DISP1: variants seen among roughly 807,000 people sequenced by gnomAD.
The protein encoded by DISP1 is dispatched RND transporter family member 1, also known as protein dispatched homolog 1.
In DISP1, 30 loss-of-function variants were observed where a neutral mutation model predicts 37.3. The ratio of observed to expected loss-of-function variants is 0.80; its 90% CI spans 0.60 to 1.09. The LOEUF is 1.09. Ranked by LOEUF, DISP1 falls within the 50% of genes least tolerant of loss-of-function variation. DISP1 has a pLI of 0.00. For missense variants in DISP1, 1,598 were observed against 1,879.5 expected, an observed-to-expected ratio of 0.85 and a Z score of 2.77; for synonymous variants, 634 against 690.2, an observed-to-expected ratio of 0.92 and a Z score of 1.28.
intron 1 of DISP1, among the ~76,000 whole-genome samples, chr1:222,832,671 G>T (rs946738285): frequency 6.6e-6 from 1 of 152,148 alleles, no homozygotes; most frequent in Non-Finnish European, 1.5e-5. Flanking sequence ...AAGGTGGGCG[G>T]ATCACCTGAG....
intron 8 of DISP1, among the ~76,000 whole-genome samples, chr1:222,997,050 C>A (rs1999988): frequency 0.31 from 46,479 of 148,120 alleles, 7,489 homozygotes; most frequent in South Asian, 0.36. Context: ...CTCTCTCTCT[C>A]TATATATATA....
At chr1:222,989,341 T>C in intron 4 of DISP1, 1 of 983,986 alleles carries the variant, frequency 1.0e-6, no homozygotes, top group Non-Finnish European at 1.2e-6. Context: ...TTGTCTTGCT[T>C]TTCTTCTAAT....
At chr1:222,956,495 T>G (rs912680916) in intron 3 of DISP1, among the ~76,000 whole-genome samples, 1 of 152,234 alleles carries the variant, frequency 6.6e-6, no homozygotes, top group Non-Finnish European at 1.5e-5. Context: ...AGAACTTTAT[T>G]TTGTTTTGGT....
intron 1 of DISP1, among the ~76,000 whole-genome samples, chr1:222,909,211 A>C (rs1033235880): frequency 1.3e-5 from 2 of 152,182 alleles, no homozygotes; most frequent in African/African-American, 4.8e-5. Context: ...TGAATTCTAT[A>C]ATTCAATAAT....
At chr1:222,899,514 A>G (rs534341644) in intron 1 of DISP1, among the ~76,000 whole-genome samples, 42 of 152,206 alleles carry the variant, frequency 2.8e-4, no homozygotes, top group Non-Finnish European at 5.3e-4. Context: ...CCTCACTGCC[A>G]AGGGTGAGGG....
chr1:222,846,848 T>G (rs572213820), intron 1 of DISP1, among the ~76,000 whole-genome samples: 2 of 152,396 alleles, frequency 1.3e-5, no homozygotes, highest in South Asian at 4.1e-4. Context: ...AGATTCTTAG[T>G]GAAAACATTT....
chr1:222,871,798 G>A (rs370176998), intron 1 of DISP1, among the ~76,000 whole-genome samples: 1 of 152,088 alleles, frequency 6.6e-6, no homozygotes, highest in Admixed American at 6.5e-5. Flanking sequence ...CTGCCTGATT[G>A]CCCTGGCCAG....
chr1:222,861,767 T>C (rs1668891801), intron 1 of DISP1, among the ~76,000 whole-genome samples: 1 of 152,200 alleles, frequency 6.6e-6, no homozygotes, highest in Admixed American at 6.5e-5. Flanking sequence ...GTTATACTTT[T>C]TTTCTGAATT....
chr1:222,974,409 A>G (rs572487958), intron 3 of DISP1, among the ~76,000 whole-genome samples: 25 of 152,332 alleles, frequency 1.6e-4, no homozygotes, highest in African/African-American at 4.3e-4. Flanking sequence ...AAGAGAAAAA[A>G]GTATTTTTTT....
At chr1:222,989,066 A>G (rs1162521871) in intron 4 of DISP1, among the ~76,000 whole-genome samples, 2 of 152,170 alleles carry the variant, frequency 1.3e-5, no homozygotes, top group Non-Finnish European at 2.9e-5. Flanking sequence ...TGAAGCAAAT[A>G]TCTCCACAAA....
At chr1:222,980,441 A>G (rs200427450) in intron 3 of DISP1, among the ~76,000 whole-genome samples, 1 of 122,574 alleles carries the variant, frequency 8.2e-6, no homozygotes, top group East Asian at 2.6e-4. Flanking sequence ...GTGTGTGTGT[A>G]TAAGAGAGAA....
chr1:222,978,424 C>T (rs573151895), intron 3 of DISP1, among the ~76,000 whole-genome samples: 62 of 152,200 alleles, frequency 4.1e-4, no homozygotes, highest in African/African-American at 8.9e-4. Flanking sequence ...GATATTAGCC[C>T]GTTGTCAGAT....
At chr1:222,936,897 T>C (rs1428149886) in intron 2 of DISP1, among the ~76,000 whole-genome samples, 1 of 41,198 alleles carries the variant, frequency 2.4e-5, no homozygotes, top group Non-Finnish European at 4.8e-5. Flanking sequence ...TAATATATTA[T>C]TTATATATAA....
At chr1:222,874,134 C>T (rs1572396356) in intron 1 of DISP1, among the ~76,000 whole-genome samples, 1 of 152,156 alleles carries the variant, frequency 6.6e-6, no homozygotes, top group East Asian at 1.9e-4. Context: ...GAGTTTCTGC[C>T]AAGAGATCAG....
Position 222,882,149 on chromosome 1 carries a change from T to C in DISP1, c.-158-46281T>C, listed in dbSNP as rs534911553. 2.0e-5 allele frequency among the ~76,000 whole-genome samples: 3 copies of C among 152,356 alleles called. No individual in the cohort carries two copies. The South Asian group carries it at 6.2e-4, about 32-fold the overall frequency. On this transcript the variant is annotated intron_variant, in intron 1 of 8. Coordinates refer to ENST00000675850, the MANE Select transcript of DISP1 (RefSeq NM_001377229.1). ...ATAATTACCTGATTTCAATATGAAA[T>C]GGACATGGAGATGTCCTAGATTTTC... is the stretch of plus-strand genomic sequence containing the variant.
intron 1 of DISP1, among the ~76,000 whole-genome samples, chr1:222,842,927 A>C (rs969763094): frequency 1.3e-5 from 2 of 152,074 alleles, no homozygotes; most frequent in African/African-American, 4.8e-5. Flanking sequence ...GAGGTTTCAG[A>C]ATAGTAGCCC....
At chr1:222,857,207 G>T (rs1468100274) in intron 1 of DISP1, among the ~76,000 whole-genome samples, 1 of 151,980 alleles carries the variant, frequency 6.6e-6, no homozygotes, top group Non-Finnish European at 1.5e-5. Context: ...AGTATACCAT[G>T]ATTACATCTG....
chr1:222,852,130 G>C (rs1668279974), intron 1 of DISP1, among the ~76,000 whole-genome samples: 1 of 151,998 alleles, frequency 6.6e-6, no homozygotes, highest in African/African-American at 2.4e-5. Flanking sequence ...GTGGTGGTGA[G>C]CCGAGATCGC....
chr1:222,958,006 G>A (rs185369882), intron 3 of DISP1, among the ~76,000 whole-genome samples: 51 of 152,312 alleles, frequency 3.3e-4, no homozygotes, highest in African/African-American at 1.1e-3. Context: ...ATTTTTGAAG[G>A]TAACATCACG....
Sources: allele counts gnomAD v4.1 joint callset (sites outside exome capture counted in the v4.1 genomes callset), GRCh38; gene constraint gnomAD v4.1.1; transcripts MANE v1.5; gene names NCBI Gene and HGNC (gene_info 2026-07-23, HGNC 2026-07-21).